The following MPHOSPH9 variants were observed in gnomAD, a reference collection of about 807,000 sequenced individuals.
The protein encoded by MPHOSPH9 is M-phase phosphoprotein 9.
A neutral mutation model predicts 145.5 loss-of-function variants in MPHOSPH9; 88 were observed. That is an observed-to-expected ratio of 0.60 (90% CI 0.51 to 0.72). MPHOSPH9 has a LOEUF of 0.72. Ranked by LOEUF, MPHOSPH9 falls within the 30% of genes least tolerant of loss-of-function variation. MPHOSPH9 has a pLI of 0.00. For missense variants in MPHOSPH9, 1,238 were observed against 1,386.6 expected, an observed-to-expected ratio of 0.89 and a Z score of 1.70; for synonymous variants, 435 against 486.2, an observed-to-expected ratio of 0.89 and a Z score of 1.39.
chr12:123,226,258 TA>T, intron 3 of MPHOSPH9: 1 of 858,056 alleles, frequency 1.2e-6, no homozygotes, highest in Non-Finnish European at 1.4e-6. Flanking sequence ...ATAATTTCAA[TA>T]ATTATGGATA....
chr12:123,172,342 T>C (rs1021977158), intron 16 of MPHOSPH9, among the ~76,000 whole-genome samples: 2 of 152,016 alleles, frequency 1.3e-5, no homozygotes, highest in African/African-American at 4.8e-5. Context: ...TCTTTCTTTT[T>C]TTTTTTTTGA....
chr12:123,193,093 A>AT lies in MPHOSPH9; in HGVS notation c.2241+1292_2241+1293insA, dbSNP rs1203612124. ...TTTCAAAAAAAAAAAAAAAAAAAAA[A>AT]AAAATATATATATATACACACACAC... On this transcript the variant is annotated intron_variant, in intron 13 of 23. Transcript: ENST00000606320. Among the ~76,000 whole-genome samples, 144 of 36,864 alleles carry AT rather than the reference A, an allele frequency of 3.9e-3. 5 individuals carry two copies. Among genetic ancestry groups the AT allele is most frequent in the African/African-American group, 7.4e-3 (124 of 16,866 alleles). The allele number at this position is 36,864 out of a possible 152,430, so 24.2% of individuals were successfully genotyped here. A position where few individuals can be genotyped will look rare whatever the true frequency, so the allele number is the denominator to read the frequency against.
chr12:123,243,845 A>G (rs1016011507), intron 1 of MPHOSPH9: 1 of 152,288 alleles, frequency 6.6e-6, no homozygotes, highest in Non-Finnish European at 1.5e-5. Context: ...GGAAATGCAC[A>G]TATTTACAAG....
intron 3 of MPHOSPH9, among the ~76,000 whole-genome samples, chr12:123,226,531 T>A (rs1384436503): frequency 6.6e-6 from 1 of 151,992 alleles, no homozygotes; most frequent in Non-Finnish European, 1.5e-5. Flanking sequence ...CTTTTTTTTT[T>A]TTTTACTGAG....
Position 123,223,147 on chromosome 12 carries a change from T to C in MPHOSPH9, c.259-20A>G. On this transcript the variant is annotated intron_variant, in intron 3 of 23. Coordinates refer to ENST00000606320, the MANE Select transcript of MPHOSPH9 (RefSeq NM_022782.4). Reference sequence around the variant, plus strand: ...CCTGGTCTATTAAATTATAAAATATTTTAGTTAAAAATAATTTTTTGACTT... The same window carrying C: ...CCTGGTCTATTAAATTATAAAATATCTTAGTTAAAAATAATTTTTTGACTT... The C allele has an allele frequency of 7.7e-7, 1 of 1,301,180 alleles. No individual in the cohort carries two copies. Among genetic ancestry groups the C allele is most frequent in the Non-Finnish European group, 9.8e-7 (1 of 1,015,482 alleles). 80.6% of individuals were successfully genotyped at this position (1,301,180 alleles called of 1,614,324 possible).
At chr12:123,166,257 T>C (rs1011662231) in intron 17 of MPHOSPH9, 1 of 212,208 alleles carries the variant, frequency 4.7e-6, no homozygotes, top group African/African-American at 2.4e-5. Flanking sequence ...CAGGCGCATG[T>C]CACCATGCCC....
chr12:123,165,399 A>C lies in MPHOSPH9; in HGVS notation c.2670T>G (p.Thr890=), dbSNP rs1442532730. ...AAGCTCTCATGATCGGCGTGTCTGA[A>C]GTCTCTCTTTGCTTTTTTATCAACA... ...TSLLIKKQRE[T]SDTPIMRALK... The change falls in exon 18 of 24, where the codon ACT becomes ACG. Residue 890 remains threonine (T), a synonymous_variant. Transcript: ENST00000606320. The C allele has an allele frequency of 3.1e-6, 5 of 1,613,792 alleles. No homozygotes were observed. The highest frequency in any genetic ancestry group is 4.2e-6 in the Non-Finnish European group (5 of 1,179,944).
At chr12:123,233,596 G>C (rs1256999614), upstream of MPHOSPH9, 2 of 152,276 alleles carry the variant, frequency 1.3e-5, no homozygotes, top group Non-Finnish European at 2.9e-5. Context: ...GCTCCGGAGA[G>C]AGGACTGCGA....
intron 8 of MPHOSPH9, 69 bp from the exon 9 acceptor site, chr12:123,203,444 C>G: frequency 7.3e-7 from 1 of 1,371,516 alleles, no homozygotes; most frequent in South Asian, 1.4e-5. Flanking sequence ...TCAAAATAAG[C>G]ACCATAAAAA....
intron 1 of MPHOSPH9, among the ~76,000 whole-genome samples, chr12:123,239,887 C>G (rs895264202): frequency 6.6e-6 from 1 of 152,138 alleles, no homozygotes; most frequent in Admixed American, 6.6e-5. Flanking sequence ...CTTGCCCTCC[C>G]ATCACACTCC....
At chr12:123,193,180 T>A (rs975810452) in intron 13 of MPHOSPH9, among the ~76,000 whole-genome samples, 2 of 148,924 alleles carry the variant, frequency 1.3e-5, no homozygotes, top group Non-Finnish European at 3.0e-5. Flanking sequence ...AGGAGAAGTG[T>A]CTGTGTTGCA....
chr12:123,236,795 G>A (rs1285241085), upstream of MPHOSPH9, among the ~76,000 whole-genome samples: 1 of 151,890 alleles, frequency 6.6e-6, no homozygotes, highest in Non-Finnish European at 1.5e-5. Context: ...GCCATAAATA[G>A]AACAAATATG....
intron 12 of MPHOSPH9, among the ~76,000 whole-genome samples, chr12:123,196,188 A>G (rs973133934): frequency 1.3e-5 from 2 of 152,102 alleles, no homozygotes; most frequent in African/African-American, 4.8e-5. Context: ...CATCTCTACT[A>G]AAAATACAAA....
At chr12:123,153,882 CTTAATGAAAGGAGTTTTCTTAT>C (rs372662843), downstream of MPHOSPH9, among the ~76,000 whole-genome samples, 1,007 of 152,156 alleles carry the variant, frequency 6.6e-3, 3 homozygotes, top group Non-Finnish European at 0.01. Context: ...CAAAATCTCC[CTTAATGAAAGGAGTTTTCTTAT>C]TTCATCTTAT....
At chr12:123,163,212 T>C (rs1274025886) in intron 19 of MPHOSPH9, 78 bp from the exon 20 acceptor site, 1 of 1,404,708 alleles carries the variant, frequency 7.1e-7, no homozygotes, top group Non-Finnish European at 9.5e-7. Context: ...CAGTATTTTT[T>C]TTCTAATTTT....
chr12:123,224,104 G>A (rs2047330890), intron 3 of MPHOSPH9, among the ~76,000 whole-genome samples: 1 of 129,036 alleles, frequency 7.7e-6, no homozygotes, highest in African/African-American at 3.0e-5. Flanking sequence ...TCGGCTAATT[G>A]CTAATTTATA....
At chr12:123,185,883 T>C (rs1054759224) in intron 13 of MPHOSPH9, among the ~76,000 whole-genome samples, 3 of 152,144 alleles carry the variant, frequency 2.0e-5, no homozygotes, top group African/African-American at 7.2e-5. Flanking sequence ...ATTTACATAT[T>C]AGTATTATAT....
intron 14 of MPHOSPH9, 84 bp downstream of exon 14, chr12:123,181,076 AAGG>A (rs941810303): frequency 3.5e-4 from 438 of 1,240,458 alleles, no homozygotes; most frequent in Middle Eastern, 2.0e-3. Context: ...GAAGGGGTGC[AAGG>A]AGGAGAAGAG....
chr12:123,231,205 C>G (rs1312185889), intron 1 of MPHOSPH9, among the ~76,000 whole-genome samples: 1 of 152,164 alleles, frequency 6.6e-6, no homozygotes, highest in Non-Finnish European at 1.5e-5. Context: ...TGGTCTACAA[C>G]TCCTGGCCTC....
Sources: gnomAD v4.1 joint callset for allele counts (sites outside exome capture counted in the v4.1 genomes callset) on GRCh38, gnomAD v4.1.1 for gene constraint, MANE v1.5 for transcripts, NCBI Gene and HGNC (gene_info 2026-07-23, HGNC 2026-07-21) for gene names.